MSRB3: variants seen among roughly 807,000 people sequenced by gnomAD.
MSRB3 encodes methionine-R-sulfoxide reductase B3.
Under a neutral mutation model 21.0 loss-of-function variants are expected in MSRB3, and 13 were observed. The ratio of observed to expected loss-of-function variants is 0.62; its 90% CI spans 0.40 to 0.98. The LOEUF is 0.98. Ranked by LOEUF, MSRB3 falls within the 50% of genes least tolerant of loss-of-function variation. The pLI is 0.00. For missense variants in MSRB3, 199 were observed against 230.3 expected (o/e 0.86, Z 0.88); for synonymous variants, 87 against 88.6 (o/e 0.98, Z 0.10).
At chr12:65,462,156 T>A (rs1217857090) in intron 6 of MSRB3, among the ~76,000 whole-genome samples, 1 of 152,070 alleles carries the variant, frequency 6.6e-6, no homozygotes, top group African/African-American at 2.4e-5. Context: ...CAGGCTTTGG[T>A]TTCTTTGATC....
chr12:65,352,769 A>G (rs975515266), intron 4 of MSRB3, among the ~76,000 whole-genome samples: 2 of 150,904 alleles, frequency 1.3e-5, no homozygotes, highest in African/African-American at 2.4e-5. Flanking sequence ...GATGTGAAGG[A>G]CCTCTTCAAG....
intron 1 of MSRB3, 109 bp downstream of exon 1, chr12:65,278,974 C>G: frequency 6.7e-7 from 1 of 1,496,432 alleles, no homozygotes. Flanking sequence ...GCCTGCTGCG[C>G]CCCCTCGGCC....
At chr12:65,367,778 G>T (rs1878095015) in intron 4 of MSRB3, among the ~76,000 whole-genome samples, 1 of 152,158 alleles carries the variant, frequency 6.6e-6, no homozygotes, top group African/African-American at 2.4e-5. Flanking sequence ...TGAGGACTAT[G>T]GTAGGGCCAG....
chr12:65,309,048 G>A (rs1438077595), intron 2 of MSRB3: 1 of 240,130 alleles, frequency 4.2e-6, no homozygotes, highest in Non-Finnish European at 8.3e-6. Flanking sequence ...CATTCCACAT[G>A]TGGTCATTCC....
chr12:65,418,159 C>G (rs1199372676), intron 5 of MSRB3, among the ~76,000 whole-genome samples: 3 of 152,186 alleles, frequency 2.0e-5, no homozygotes, highest in African/African-American at 7.2e-5. Context: ...GGCTGGAGTG[C>G]AATGGCATGA....
chr12:65,309,616 T>C (rs921653729), intron 2 of MSRB3, among the ~76,000 whole-genome samples: 6 of 152,166 alleles, frequency 3.9e-5, no homozygotes, highest in African/African-American at 1.4e-4. Context: ...CAGAGGAGGT[T>C]GTTCCTAGAT....
intron 6 of MSRB3, 85 bp downstream of exon 6, chr12:65,453,910 G>A: frequency 9.2e-7 from 1 of 1,084,594 alleles, no homozygotes. Flanking sequence ...CCAAGCGACT[G>A]GTCACAAGAA....
intron 2 of MSRB3, among the ~76,000 whole-genome samples, chr12:65,313,332 T>C (rs1187350144): frequency 6.6e-6 from 1 of 152,152 alleles, no homozygotes; most frequent in Non-Finnish European, 1.5e-5. Context: ...TTAATAGAAC[T>C]GATGTACTTA....
At chr12:65,290,608 G>A in intron 1 of MSRB3, among the ~76,000 whole-genome samples, 1 of 152,032 alleles carries the variant, frequency 6.6e-6, no homozygotes, top group Non-Finnish European at 1.5e-5. Context: ...CTAACTGGGG[G>A]GAAAAGTATG....
rs558350984 is a variant in MSRB3 at position 65,323,085 on chromosome 12, A to G, written c.77-3741A>G. Among the ~76,000 whole-genome samples the G allele has an allele frequency of 9.8e-5, 15 of 152,318 alleles. No individual in the cohort carries two copies. The South Asian group carries it at 3.1e-3, about 32-fold the overall frequency. ...TTTTAAAATACAATTTTAACCTCAG[A>G]ATTCACTGTAATCAAAATGAAGTAA... On this transcript the variant is annotated intron_variant, in intron 2 of 6. Coordinates refer to ENST00000308259, the MANE Select transcript of MSRB3 (RefSeq NM_001031679.3).
chr12:65,312,295 G>C (rs2136428347), intron 2 of MSRB3, among the ~76,000 whole-genome samples: 1 of 152,162 alleles, frequency 6.6e-6, no homozygotes, highest in South Asian at 2.1e-4. Context: ...CTTATACAGA[G>C]AAGTCTGCTG....
chr12:65,455,977 T>G (rs890824233), intron 6 of MSRB3, among the ~76,000 whole-genome samples: 3 of 152,156 alleles, frequency 2.0e-5, no homozygotes, highest in Non-Finnish European at 4.4e-5. Context: ...GCTCAAGTGA[T>G]CCACCTGCCT....
chr12:65,426,822 T>C (rs777032264), intron 5 of MSRB3, among the ~76,000 whole-genome samples: 19 of 152,158 alleles, frequency 1.2e-4, no homozygotes, highest in Non-Finnish European at 2.5e-4. Flanking sequence ...TAATCAGTTC[T>C]TTTTACTTCT....
intron 5 of MSRB3, among the ~76,000 whole-genome samples, chr12:65,416,647 C>T (rs529655470): frequency 9.2e-5 from 14 of 152,306 alleles, no homozygotes; most frequent in African/African-American, 3.1e-4. Context: ...CAGATCTAAA[C>T]ATAGAAAAGG....
chr12:65,332,869 A>C (rs182408739), intron 4 of MSRB3, among the ~76,000 whole-genome samples: 1 of 152,342 alleles, frequency 6.6e-6, no homozygotes, highest in East Asian at 1.9e-4. Context: ...CTGCTTACCA[A>C]GTACAAGAAC....
chr12:65,313,175 C>G lies in MSRB3; in HGVS notation c.76+4520C>G, dbSNP rs1029724225. Among the ~76,000 whole-genome samples, 4 of 152,100 alleles carry G rather than the reference C, an allele frequency of 2.6e-5. No homozygotes were observed. In the South Asian group the frequency reaches 8.3e-4, roughly 31 times the overall value. On this transcript the variant is annotated intron_variant, in intron 2 of 6. Coordinates refer to ENST00000308259, the MANE Select transcript of MSRB3 (RefSeq NM_001031679.3). Reference sequence around the variant, plus strand: ...ATACTTAGCATAAGACTTAAGAACTCTGGCCCTTTTGATCACTTCTTTGCA... The same window carrying G: ...ATACTTAGCATAAGACTTAAGAACTGTGGCCCTTTTGATCACTTCTTTGCA...
chr12:65,289,966 T>C (rs1187671606), intron 1 of MSRB3, among the ~76,000 whole-genome samples: 1 of 152,210 alleles, frequency 6.6e-6, no homozygotes. Context: ...TATTGGTGTA[T>C]ATAACTCATC....
At chr12:65,434,549 G>A (rs1882032507) in intron 5 of MSRB3, among the ~76,000 whole-genome samples, 1 of 151,798 alleles carries the variant, frequency 6.6e-6, no homozygotes, top group African/African-American at 2.4e-5. Flanking sequence ...TGAACAGATG[G>A]GACTTGAAAA....
chr12:65,319,533 A>G (rs577671039), intron 2 of MSRB3, among the ~76,000 whole-genome samples: 2 of 152,298 alleles, frequency 1.3e-5, no homozygotes, highest in South Asian at 4.1e-4. Flanking sequence ...AACTTTGCAC[A>G]TACCTTTACT....
Sources: allele counts gnomAD v4.1 joint callset (sites outside exome capture counted in the v4.1 genomes callset), GRCh38; gene constraint gnomAD v4.1.1; transcripts MANE v1.5; gene names NCBI Gene and HGNC (gene_info 2026-07-23, HGNC 2026-07-21).